FARP1: variants seen among roughly 807,000 people sequenced by gnomAD.
FARP1 encodes FERM, ARH/RhoGEF and pleckstrin domain protein 1, also known as FERM, ARHGEF and pleckstrin domain-containing protein 1.
In FARP1, 52 loss-of-function variants were observed where a neutral mutation model predicts 128.8. That is an observed-to-expected ratio of 0.40 (90% CI 0.32 to 0.51). FARP1 has a LOEUF of 0.51. Among genes scored for constraint, FARP1 ranks in the 20% least tolerant of loss-of-function variants. The pLI is 0.45. For missense variants in FARP1, 1,333 were observed against 1,367.9 expected (o/e 0.97, Z 0.40); for synonymous variants, 580 against 551.8 (o/e 1.05, Z -0.72).
At chr13:98,207,515 G>C (rs1880341810) in intron 1 of FARP1, among the ~76,000 whole-genome samples, 1 of 151,988 alleles carries the variant, frequency 6.6e-6, no homozygotes, top group Non-Finnish European at 1.5e-5. Context: ...AGGTGGGAGA[G>C]TAGAGCCCTT....
At chr13:98,161,753 C>T (rs565074043) in intron 1 of FARP1, among the ~76,000 whole-genome samples, 4 of 152,048 alleles carry the variant, frequency 2.6e-5, no homozygotes, top group African/African-American at 9.7e-5. Context: ...TTCCTTCCCT[C>T]CCTCCCTCCA....
intron 2 of FARP1, among the ~76,000 whole-genome samples, chr13:98,295,475 G>A (rs769249343): frequency 1.3e-5 from 2 of 152,148 alleles, no homozygotes; most frequent in Non-Finnish European, 2.9e-5. Flanking sequence ...TACTACCTCT[G>A]CTTATAAACT....
At chr13:98,277,296 A>G (rs1884709506) in intron 2 of FARP1, among the ~76,000 whole-genome samples, 1 of 152,016 alleles carries the variant, frequency 6.6e-6, no homozygotes, top group Non-Finnish European at 1.5e-5. Context: ...GGGACTGCAG[A>G]CACACACCAC....
intron 1 of FARP1, chr13:98,177,224 G>A (rs746357918): frequency 1.3e-5 from 20 of 1,558,930 alleles, no homozygotes; most frequent in Non-Finnish European, 1.6e-5. Flanking sequence ...CCTGGAGAAG[G>A]TGGCGCTGCC....
chr13:98,318,051 C>T (rs1047788493), intron 2 of FARP1, among the ~76,000 whole-genome samples: 14 of 148,582 alleles, frequency 9.4e-5, no homozygotes, highest in African/African-American at 3.2e-4. Context: ...TCATCTCCTT[C>T]CTTCCTTCTC....
chr13:98,217,339 G>A lies in FARP1; in HGVS notation c.171+3926G>A, dbSNP rs76474715. On this transcript the variant is annotated intron_variant, in intron 2 of 26. Coordinates refer to ENST00000319562, the MANE Select transcript of FARP1 (RefSeq NM_005766.4). ...AAAAAGACACCTAGTGCCTGTCGAA[G>A]GGTTAGAAGGAGTGGTGGCCAGTTG... Among the ~76,000 whole-genome samples, 64 of 152,302 alleles carry A rather than the reference G, an allele frequency of 4.2e-4. 3 individuals are homozygous for A. The East Asian group carries it at 0.012, about 29-fold the overall frequency.
intron 1 of FARP1, among the ~76,000 whole-genome samples, chr13:98,210,524 G>A (rs1229454864): frequency 2.0e-5 from 3 of 149,748 alleles, no homozygotes; most frequent in African/African-American, 7.4e-5. Context: ...TTTCTCATCA[G>A]TGTTGGACTT....
rs1878054990 is a variant in FARP1 at position 98,176,579 on chromosome 13, A to G, written c.-24+33087A>G. 1.2e-6 allele frequency: 2 copies of G among 1,614,212 alleles called. No homozygotes were observed. The highest frequency in any genetic ancestry group is 3.3e-5 in the Admixed American group (2 of 60,028). On this transcript the variant is annotated intron_variant, in intron 1 of 26. Transcript: ENST00000319562. This position sits in a 1 kb window ranked among gnomAD's most constrained non-coding sequence, Gnocchi z 6.2. ...CGTTCAATCTCCCACCCGAGCTTGT[A>G]ATCGGAACGGTCGTGGAGGAATTTG... is the stretch of plus-strand genomic sequence containing the variant.
chr13:98,390,841 A>G lies in FARP1; in HGVS notation c.1049A>G (p.Tyr350Cys), dbSNP rs1243099171. 29 of 1,613,662 alleles carry G rather than the reference A, an allele frequency of 1.8e-5. No individual in the cohort carries two copies. The highest frequency in any genetic ancestry group is 2.5e-5 in the Non-Finnish European group (29 of 1,179,774). ...CGGACTCAGAAGCAGGTTCTCGACTATGTTAAAGAAGGAGGACATAAGAAG... is the reference window on the plus strand; with the variant it reads ...CGGACTCAGAAGCAGGTTCTCGACTGTGTTAAAGAAGGAGGACATAAGAAG... ...SGRTQKQVLD[Y>C]VKEGGHKKVQ... The change falls in exon 11 of 27, where the codon TAT (tyrosine) becomes TGT (cysteine). Residue 350 changes from tyrosine (Y) to cysteine (C), a missense_variant. By Grantham distance (194) the Tyr-to-Cys change is radical. Around this residue, in one of 2 missense-constraint regions of FARP1, gnomAD observed 1,009 missense variants for 969.8 expected, o/e 1.04. Coordinates refer to ENST00000319562, the MANE Select transcript of FARP1 (RefSeq NM_005766.4).
intron 1 of FARP1, among the ~76,000 whole-genome samples, chr13:98,146,696 TAA>T (rs369494341): frequency 2.6e-5 from 4 of 152,242 alleles, no homozygotes; most frequent in Non-Finnish European, 5.9e-5. Context: ...ATGCAGGTGC[TAA>T]AGTCTTTCTA....
intron 2 of FARP1, among the ~76,000 whole-genome samples, chr13:98,226,979 T>C (rs1881818706): frequency 1.3e-5 from 2 of 152,084 alleles, no homozygotes; most frequent in African/African-American, 4.8e-5. Flanking sequence ...CTTGCTCTGT[T>C]GTCCAGATTG....
chr13:98,430,341 C>CA (rs1279547000), intron 17 of FARP1, among the ~76,000 whole-genome samples: 1 of 152,216 alleles, frequency 6.6e-6, no homozygotes, highest in Non-Finnish European at 1.5e-5. Context: ...TTGAAGAAAG[C>CA]AAACTCGGTT....
intron 2 of FARP1, among the ~76,000 whole-genome samples, chr13:98,249,580 C>T (rs1259170936): frequency 6.6e-6 from 1 of 152,040 alleles, no homozygotes; most frequent in Non-Finnish European, 1.5e-5. Context: ...TTGTGTTTCC[C>T]CACCATGTTC....
At chr13:98,348,566 C>T (rs68106782) in intron 3 of FARP1, among the ~76,000 whole-genome samples, 16,297 of 152,278 alleles carry the variant, frequency 0.11, 1,134 homozygotes, top group African/African-American at 0.19. Flanking sequence ...AGGAGCCTGG[C>T]TGAAGTTCAG....
At chr13:98,184,716 G>T (rs1327694157) in intron 1 of FARP1, among the ~76,000 whole-genome samples, 1 of 152,214 alleles carries the variant, frequency 6.6e-6, no homozygotes, top group Non-Finnish European at 1.5e-5. Flanking sequence ...CATTTTCTCA[G>T]TGATCCTATG....
At chr13:98,240,810 T>A (rs896412241) in intron 2 of FARP1, among the ~76,000 whole-genome samples, 4 of 152,186 alleles carry the variant, frequency 2.6e-5, no homozygotes, top group Non-Finnish European at 5.9e-5. Flanking sequence ...CATCTTAGGA[T>A]GGGAAGGCCT....
At chr13:98,249,409 A>C (rs749849996) in intron 2 of FARP1, among the ~76,000 whole-genome samples, 1 of 152,230 alleles carries the variant, frequency 6.6e-6, no homozygotes, top group Non-Finnish European at 1.5e-5. Context: ...GTAAGAACTT[A>C]AACTCTTGTA....
Position 98,454,572 on chromosome 13 carries a change from G to A in FARP1, c.*6255G>A, listed in dbSNP as rs1395362397. 1 of 152,246 alleles carries A rather than the reference G, an allele frequency of 6.6e-6. No homozygotes were observed. The highest frequency in any genetic ancestry group is 1.5e-5 in the Non-Finnish European group (1 of 68,046). The allele number at this position is 152,246 out of a possible 1,614,324, so 9.4% of individuals were successfully genotyped here. On this transcript the variant is annotated 3_prime_UTR_variant, in exon 27 of 27. Transcript: ENST00000319562. The stretch of plus-strand genomic sequence containing the variant: ...TACAAATGACTAAATCACGGGATGA[G>A]TTGATGTCACACAAAAGAATCCAAA...
intron 1 of FARP1, among the ~76,000 whole-genome samples, chr13:98,210,800 C>T (rs187940511): frequency 1.9e-4 from 29 of 152,336 alleles, no homozygotes; most frequent in African/African-American, 6.0e-4. Context: ...CTGCCCGCCT[C>T]AGCCTCCCAA....
Sources: gnomAD v4.1 joint callset for allele counts (sites outside exome capture counted in the v4.1 genomes callset) on GRCh38, gnomAD v4.1.1 for gene constraint, gnomAD v4.1.1 regional missense constraint, Gnocchi (gnomAD v3.1) non-coding constraint, MANE v1.5 for transcripts, NCBI Gene and HGNC (gene_info 2026-07-23, HGNC 2026-07-21) for gene names.